The following MEGF10 variants were observed in gnomAD, a reference collection of about 807,000 sequenced individuals.
The protein encoded by MEGF10 is multiple EGF like domains 10.
In MEGF10, 86 loss-of-function variants were observed where a neutral mutation model predicts 147.5. The ratio of observed to expected loss-of-function variants is 0.58; its 90% CI spans 0.49 to 0.70. MEGF10 has a LOEUF of 0.70. MEGF10 is among the 30% of genes least tolerant of loss of function. The probability of loss-of-function intolerance (pLI) is 0.00; values close to 1 mark genes in which losing one functional copy is unlikely to be tolerated. For synonymous variants in MEGF10, 478 were observed against 525.5 expected, an observed-to-expected ratio of 0.91 and a Z score of 1.24; for missense variants, 1,329 against 1,487.3, an observed-to-expected ratio of 0.89 and a Z score of 1.75.
At chr5:127,385,335 G>A (rs919790244) in intron 5 of MEGF10, among the ~76,000 whole-genome samples, 1 of 151,640 alleles carries the variant, frequency 6.6e-6, no homozygotes, top group South Asian at 2.1e-4. Flanking sequence ...GTCTCACTCT[G>A]TTGCCTAGGC....
chr5:127,332,678 G>A (rs1210062889), intron 2 of MEGF10, among the ~76,000 whole-genome samples: 1 of 152,064 alleles, frequency 6.6e-6, no homozygotes, highest in Non-Finnish European at 1.5e-5. Flanking sequence ...TATATTTGTG[G>A]TATTAACTAC....
intron 5 of MEGF10, among the ~76,000 whole-genome samples, chr5:127,379,081 TTG>T (rs61069407): frequency 0.03 from 4,407 of 149,354 alleles, 210 homozygotes; most frequent in African/African-American, 0.1. Flanking sequence ...TTTTTTTTTT[TTG>T]ATACTTGGTG....
chr5:127,423,253 G>A (rs759036743), intron 13 of MEGF10, among the ~76,000 whole-genome samples: 1 of 152,036 alleles, frequency 6.6e-6, no homozygotes, highest in African/African-American at 2.4e-5. Context: ...CTTTTTTTAC[G>A]ATAATGTTCT....
intron 4 of MEGF10, among the ~76,000 whole-genome samples, chr5:127,353,182 G>T (rs1207272082): frequency 2.0e-5 from 3 of 152,180 alleles, no homozygotes; most frequent in Non-Finnish European, 2.9e-5. Context: ...TATGTGAATG[G>T]CTTGACCTAT....
At chr5:127,243,555 A>G in the MEGF10 span, among the ~76,000 whole-genome samples, 1 of 152,224 alleles carries the variant, frequency 6.6e-6, no homozygotes, top group African/African-American at 2.4e-5. Flanking sequence ...CACAGTCTAG[A>G]AAAAATAAAT....
chr5:127,400,218 A>G (rs1356190668), intron 7 of MEGF10, among the ~76,000 whole-genome samples: 2 of 152,226 alleles, frequency 1.3e-5, no homozygotes, highest in African/African-American at 4.8e-5. Context: ...GACAAAGTTC[A>G]TTCTGGAGCC....
chr5:127,403,320 G>C (rs1048161305), intron 8 of MEGF10, among the ~76,000 whole-genome samples: 1 of 152,006 alleles, frequency 6.6e-6, no homozygotes, highest in Non-Finnish European at 1.5e-5. Context: ...TGGGCACATA[G>C]TAGTTGTATA....
chr5:127,413,183 T>G (rs1254493824), intron 9 of MEGF10, among the ~76,000 whole-genome samples: 1 of 152,204 alleles, frequency 6.6e-6, no homozygotes, highest in East Asian at 1.9e-4. Flanking sequence ...TTATAAGTAA[T>G]ATTAGTATTT....
At chr5:127,362,077 T>A (rs1762487766) in intron 4 of MEGF10, among the ~76,000 whole-genome samples, 1 of 152,130 alleles carries the variant, frequency 6.6e-6, no homozygotes, top group Non-Finnish European at 1.5e-5. Flanking sequence ...TTTCTTATTT[T>A]CTTTTTAATA....
At chr5:127,254,359 G>A in the MEGF10 span, among the ~76,000 whole-genome samples, 1 of 152,106 alleles carries the variant, frequency 6.6e-6, no homozygotes, top group Non-Finnish European at 1.5e-5. Flanking sequence ...ATTCACAGGT[G>A]AGTCTCACAA....
At chr5:127,297,599 T>C (rs1759563084) in intron 1 of MEGF10, among the ~76,000 whole-genome samples, 1 of 152,174 alleles carries the variant, frequency 6.6e-6, no homozygotes, top group South Asian at 2.1e-4. Context: ...GGGAATGGGC[T>C]CAGCAAACAT....
intron 5 of MEGF10, among the ~76,000 whole-genome samples, chr5:127,381,498 G>A (rs541925309): frequency 3.3e-5 from 5 of 152,246 alleles, no homozygotes; most frequent in Middle Eastern, 3.4e-3. Context: ...TGATATGTAC[G>A]AGATGGTGCT....
chr5:127,250,574 G>A, the MEGF10 span, among the ~76,000 whole-genome samples: 11 of 152,122 alleles, frequency 7.2e-5, no homozygotes, highest in African/African-American at 2.6e-4. Flanking sequence ...TAAATCATTA[G>A]AAACATTCCT....
chr5:127,314,646 A>T (rs1190956071), intron 1 of MEGF10, among the ~76,000 whole-genome samples: 1 of 152,248 alleles, frequency 6.6e-6, no homozygotes, highest in Non-Finnish European at 1.5e-5. Flanking sequence ...ATTTCAAACA[A>T]TTAGGGAGGC....
chr5:127,334,398 G>T (rs561434549), intron 2 of MEGF10, among the ~76,000 whole-genome samples: 1 of 152,210 alleles, frequency 6.6e-6, no homozygotes, highest in Non-Finnish European at 1.5e-5. Context: ...ATCAAAATCT[G>T]CATTTTAACA....
chr5:127,380,703 G>C (rs1331757408), intron 5 of MEGF10, among the ~76,000 whole-genome samples: 1 of 151,998 alleles, frequency 6.6e-6, no homozygotes, highest in Non-Finnish European at 1.5e-5. Flanking sequence ...ATTTTTAGTA[G>C]AGGCATGGTT....
intron 1 of MEGF10, among the ~76,000 whole-genome samples, chr5:127,330,512 CCTAT>C (rs1253870504): frequency 2.0e-5 from 3 of 152,110 alleles, no homozygotes; most frequent in African/African-American, 4.8e-5. Flanking sequence ...CCTTTGCCAG[CCTAT>C]CTATTTTCCA....
At chr5:127,416,338 G>A (rs1764778221) in intron 9 of MEGF10, among the ~76,000 whole-genome samples, 1 of 152,128 alleles carries the variant, frequency 6.6e-6, no homozygotes, top group African/African-American at 2.4e-5. Context: ...CAAGGGCTCA[G>A]TTTTTGACAT....
upstream of MEGF10, chr5:127,290,727 A>C (rs2127022940): frequency 6.5e-6 from 1 of 153,138 alleles, no homozygotes; most frequent in Middle Eastern, 3.4e-3. Flanking sequence ...CAGCTGCAGC[A>C]GCGGCAACTG....
Sources: allele counts gnomAD v4.1 joint callset (sites outside exome capture counted in the v4.1 genomes callset), GRCh38; gene constraint gnomAD v4.1.1; transcripts MANE v1.5; gene names NCBI Gene and HGNC (gene_info 2026-07-23, HGNC 2026-07-21).